Variants in TESC observed in about 807,000 individuals in gnomAD.
The protein encoded by TESC is tescalcin, also known as calcineurin B homologous protein 3.
Under a neutral mutation model 31.0 loss-of-function variants are expected in TESC, and 19 were observed. The ratio of observed to expected loss-of-function variants is 0.61; its 90% CI spans 0.43 to 0.90. The LOEUF (loss-of-function observed/expected upper bound fraction) is 0.90, where lower values mean the gene tolerates loss of function less well. Among genes scored for constraint, TESC ranks in the 40% least tolerant of loss-of-function variants. The probability of loss-of-function intolerance (pLI) is 0.00; values close to 1 mark genes in which losing one functional copy is unlikely to be tolerated. For synonymous variants in TESC, 109 were observed against 114.8 expected (o/e 0.95, Z 0.32); for missense variants, 248 against 303.8 (o/e 0.82, Z 1.36).
chr12:117,085,756 T>C (rs1275422122), intron 1 of TESC, among the ~76,000 whole-genome samples: 1 of 152,170 alleles, frequency 6.6e-6, no homozygotes, highest in Non-Finnish European at 1.5e-5. Context: ...TGTGAGTCTC[T>C]GCTATGCATC....
At chr12:117,071,585 C>T (rs1457817338) in intron 2 of TESC, among the ~76,000 whole-genome samples, 11 of 152,220 alleles carry the variant, frequency 7.2e-5, no homozygotes. Flanking sequence ...ATCAAGAGGG[C>T]TGTTGAGCAG....
At chr12:117,058,270 C>G (rs192609447) in intron 2 of TESC, among the ~76,000 whole-genome samples, 1 of 151,994 alleles carries the variant, frequency 6.6e-6, no homozygotes, top group African/African-American at 2.4e-5. Flanking sequence ...ACCCATTATG[C>G]TAAGTGAAAG....
At chr12:117,043,857 G>C (rs1954519969) in intron 6 of TESC, among the ~76,000 whole-genome samples, 1 of 152,202 alleles carries the variant, frequency 6.6e-6, no homozygotes, top group Non-Finnish European at 1.5e-5. Flanking sequence ...AGAGGGAGCT[G>C]CCTGTCCAGC....
chr12:117,056,889 G>A lies in TESC; in HGVS notation c.129-3C>T. The A allele has an allele frequency of 6.2e-7, 1 of 1,614,068 alleles. No individual in the cohort carries two copies. The highest frequency in any genetic ancestry group is 8.5e-7 in the Non-Finnish European group (1 of 1,179,968). ...GGACATTGTTGAAGTTCTCCTTGCT[G>A]GTTTCCAAGAAGGAGAGATACCGGG... On this transcript the variant is annotated splice_polypyrimidine_tract_variant and splice_region_variant and intron_variant, in intron 2 of 7. Transcript: ENST00000335209.
chr12:117,041,909 C>T, intron 7 of TESC, 38 bp downstream of exon 7: 3 of 1,559,584 alleles, frequency 1.9e-6, no homozygotes, highest in Non-Finnish European at 2.6e-6. Flanking sequence ...ACGAGGTCTT[C>T]AAGGGTCCCC....
Position 117,095,550 on chromosome 12 carries a change from AGC to A in TESC, c.58+3673_58+3674del, listed in dbSNP as rs1593030973. Among the ~76,000 whole-genome samples the A allele has an allele frequency of 2.0e-5, 3 of 152,196 alleles. No homozygotes were observed. In the East Asian group the frequency reaches 5.8e-4, roughly 29 times the overall value. ...CTTGGTTCCTAGAAATTCAAGTGGC[AGC>A]TACACACAGTGAAAGCATGCTGGCA... On this transcript the variant is annotated intron_variant, in intron 1 of 7. Coordinates refer to ENST00000335209, the MANE Select transcript of TESC (RefSeq NM_017899.4).
At chr12:117,048,160 A>C (rs972784476) in intron 4 of TESC, among the ~76,000 whole-genome samples, 1 of 152,140 alleles carries the variant, frequency 6.6e-6, no homozygotes, top group African/African-American at 2.4e-5. Context: ...TCCCAGACAG[A>C]CTGTCAAAGC....
At chr12:117,084,394 T>G (rs565702455) in intron 1 of TESC, among the ~76,000 whole-genome samples, 172 of 152,312 alleles carry the variant, frequency 1.1e-3, no homozygotes, top group Admixed American at 1.7e-3. Context: ...GCTGCCACCG[T>G]TCCCTCCAGC....
At chr12:117,051,905 T>C (rs1019524777) in intron 3 of TESC, among the ~76,000 whole-genome samples, 3 of 152,196 alleles carry the variant, frequency 2.0e-5, no homozygotes, top group African/African-American at 7.2e-5. Flanking sequence ...CCAGCCCCAC[T>C]TGCTCTCCAC....
At chr12:117,092,297 C>T (rs775402331) in intron 1 of TESC, among the ~76,000 whole-genome samples, 28 of 152,208 alleles carry the variant, frequency 1.8e-4, no homozygotes, top group Admixed American at 4.6e-4. Context: ...GCACATGGAA[C>T]GCCATCCTCC....
intron 1 of TESC, among the ~76,000 whole-genome samples, chr12:117,084,663 G>C (rs552306764): frequency 6.6e-6 from 1 of 152,228 alleles, no homozygotes; most frequent in Non-Finnish European, 1.5e-5. Context: ...GGGAGGATGG[G>C]AGGGGCCCAG....
intron 1 of TESC, among the ~76,000 whole-genome samples, chr12:117,075,843 G>GTGTGTATATATATATATATATA (rs1955045622): frequency 9.8e-5 from 4 of 40,818 alleles, no homozygotes; most frequent in African/African-American, 4.0e-4. Flanking sequence ...TTTCGTGTGT[G>GTGTGTATATATATATATATATA]TGTGTATATA....
rs893216769 is a variant in TESC, at chr12:117,050,297, G to A, written c.210-1139C>T. Among the ~76,000 whole-genome samples, 6 of 152,192 alleles carry A rather than the reference G, an allele frequency of 3.9e-5. No individual in the cohort carries two copies. The East Asian group carries it at 5.8e-4, about 15-fold the overall frequency. On this transcript the variant is annotated intron_variant, in intron 3 of 7. Transcript: ENST00000335209. ...AGCTGCAACAGAGACTGCGTGGCCC[G>A]CAAAGCCTAAAATATTTACTCCTTG...
At chr12:117,097,049 T>TC (rs1317416600) in intron 1 of TESC, among the ~76,000 whole-genome samples, 1 of 152,168 alleles carries the variant, frequency 6.6e-6, no homozygotes, top group African/African-American at 2.4e-5. Flanking sequence ...TTACTGTGTG[T>TC]CCCCCTCCAG....
At chr12:117,046,393 T>A in intron 6 of TESC, 166 bp downstream of exon 6, 1 of 662,222 alleles carries the variant, frequency 1.5e-6, no homozygotes, top group Admixed American at 3.0e-5. Flanking sequence ...GGACCTTCAG[T>A]CTCCTGGGGG....
At chr12:117,046,934 A>C in intron 4 of TESC, 96 bp from the exon 5 acceptor site, 3 of 1,311,886 alleles carry the variant, frequency 2.3e-6, no homozygotes, top group Non-Finnish European at 2.1e-6. Flanking sequence ...GACACCAATA[A>C]CCAAACCTCA....
intron 1 of TESC, among the ~76,000 whole-genome samples, chr12:117,082,374 G>C (rs1474547338): frequency 6.6e-6 from 1 of 151,710 alleles, no homozygotes; most frequent in Non-Finnish European, 1.5e-5. Flanking sequence ...CATGGTGGCA[G>C]GTGCCTGTAA....
intron 1 of TESC, among the ~76,000 whole-genome samples, chr12:117,092,582 G>A (rs1955327739): frequency 6.6e-6 from 1 of 152,210 alleles, no homozygotes; most frequent in South Asian, 2.1e-4. Flanking sequence ...GATGACTCCA[G>A]GCCAGGGTCT....
chr12:117,085,826 C>G (rs967711644), intron 1 of TESC, among the ~76,000 whole-genome samples: 15 of 152,166 alleles, frequency 9.9e-5, no homozygotes, highest in African/African-American at 3.4e-4. Flanking sequence ...ACAGAGGTGA[C>G]AACGGGATGT....
Sources: gnomAD v4.1 joint callset for allele counts (sites outside exome capture counted in the v4.1 genomes callset) on GRCh38, gnomAD v4.1.1 for gene constraint, MANE v1.5 for transcripts, NCBI Gene and HGNC (gene_info 2026-07-23, HGNC 2026-07-21) for gene names.